ESR1: variants seen among roughly 807,000 people sequenced by gnomAD.
The protein encoded by ESR1 is estrogen receptor.
Under a neutral mutation model 52.7 loss-of-function variants are expected in ESR1, and 12 were observed. The ratio of observed to expected loss-of-function variants is 0.23; its 90% CI spans 0.15 to 0.37. The LOEUF (loss-of-function observed/expected upper bound fraction) is 0.37. Among genes scored for constraint, ESR1 ranks in the 10% least tolerant of loss-of-function variants. The pLI, the probability that ESR1 is intolerant of heterozygous loss-of-function variation, is 1.00. For missense variants in ESR1, 584 were observed against 779.7 expected (o/e 0.75, Z 2.99); for synonymous variants, 305 against 316.8 (o/e 0.96, Z 0.39).
chr6:151,846,628 G>A (rs1785169499), intron 2 of ESR1, among the ~76,000 whole-genome samples: 1 of 152,136 alleles, frequency 6.6e-6, no homozygotes, highest in African/African-American at 2.4e-5. Context: ...TGGTTGAAGA[G>A]GTAAAGTGTT....
At chr6:151,991,566 G>A (rs1429595692) in intron 4 of ESR1, among the ~76,000 whole-genome samples, 1 of 152,050 alleles carries the variant, frequency 6.6e-6, no homozygotes, top group Non-Finnish European at 1.5e-5. Context: ...AGAAAGGAGA[G>A]ATAATCCTGA....
downstream of ESR1, among the ~76,000 whole-genome samples, chr6:152,103,429 T>C (rs997861517): frequency 6.6e-6 from 1 of 152,156 alleles, no homozygotes; most frequent in Non-Finnish European, 1.5e-5. Flanking sequence ...CCCCCAGGTG[T>C]ATCAGGAAGT....
At chr6:152,045,064 G>A (rs1665952244) in intron 5 of ESR1, among the ~76,000 whole-genome samples, 1 of 152,230 alleles carries the variant, frequency 6.6e-6, no homozygotes, top group African/African-American at 2.4e-5. Context: ...TGCCAAGTGA[G>A]AGAGGTAGAG....
chr6:151,997,453 AGCCC>A (rs371216244), intron 4 of ESR1, among the ~76,000 whole-genome samples: 93 of 152,278 alleles, frequency 6.1e-4, no homozygotes, highest in African/African-American at 2.1e-3. Context: ...TTGTAATCAT[AGCCC>A]CAGTGTTGCA....
intron 4 of ESR1, among the ~76,000 whole-genome samples, chr6:151,968,042 T>C (rs2038474994): frequency 2.0e-5 from 3 of 152,156 alleles, no homozygotes; most frequent in African/African-American, 7.2e-5. Flanking sequence ...TTTTTTTTTC[T>C]TGTAAATTTG....
At chr6:151,785,666 A>G (rs1450319023) in intron 2 of ESR1, among the ~76,000 whole-genome samples, 2 of 152,170 alleles carry the variant, frequency 1.3e-5, no homozygotes, top group African/African-American at 4.8e-5. Context: ...AATCCTGTCA[A>G]TTTTAATGAC....
chr6:151,788,482 G>T (rs1434529372), intron 2 of ESR1, among the ~76,000 whole-genome samples: 3 of 141,196 alleles, frequency 2.1e-5, no homozygotes, highest in Non-Finnish European at 5.0e-5. Flanking sequence ...AGAGAAATGG[G>T]AACACTTATA....
At chr6:151,741,084 C>T (rs1436334616) in intron 2 of ESR1, among the ~76,000 whole-genome samples, 3 of 152,116 alleles carry the variant, frequency 2.0e-5, no homozygotes, top group Non-Finnish European at 2.9e-5. Context: ...GTGTGAGAGG[C>T]GGGCCCGTCA....
intron 3 of ESR1, among the ~76,000 whole-genome samples, chr6:151,918,532 T>C (rs1391620553): frequency 1.3e-5 from 2 of 152,220 alleles, no homozygotes; most frequent in African/African-American, 4.8e-5. Context: ...CATCATGAGG[T>C]ATTATGGTTA....
At chr6:151,944,091 C>T in intron 3 of ESR1, 82 bp from the exon 4 acceptor site, 1 of 1,180,012 alleles carries the variant, frequency 8.5e-7, no homozygotes, top group Admixed American at 1.9e-5. Context: ...AAAATGAAAG[C>T]TGGTTAGCTT....
Position 152,049,944 on chromosome 6 carries a change from C to G in ESR1, c.1236-11047C>G, listed in dbSNP as rs9478270. On this transcript the variant is annotated intron_variant, in intron 5 of 7. Transcript: ENST00000206249. ...AATGATACTGCCTGAGAGAAATACT[C>G]ACTTCCTGCTTTGTTTTCAACAAGT... Among the ~76,000 whole-genome samples the G allele has an allele frequency of 4.6e-3, 699 of 152,322 alleles. 9 individuals carry two copies. The highest frequency in any genetic ancestry group is 0.016 in the African/African-American group (660 of 41,560).
At chr6:152,047,565 C>T (rs1221287302) in intron 5 of ESR1, among the ~76,000 whole-genome samples, 2 of 151,948 alleles carry the variant, frequency 1.3e-5, no homozygotes, top group Admixed American at 6.6e-5. Context: ...GTGGAATGAA[C>T]GGGTTAAGAA....
chr6:151,762,968 A>G (rs1408038994), intron 2 of ESR1, among the ~76,000 whole-genome samples: 1 of 151,868 alleles, frequency 6.6e-6, no homozygotes, highest in Non-Finnish European at 1.5e-5. Flanking sequence ...AAAAATTAAT[A>G]GTTTAAATAT....
chr6:152,022,582 T>C (rs1181001903), intron 5 of ESR1, among the ~76,000 whole-genome samples: 7 of 152,038 alleles, frequency 4.6e-5, no homozygotes, highest in Non-Finnish European at 8.8e-5. Flanking sequence ...TTTTCAGGGT[T>C]TTAGGTAGAA....
At chr6:152,113,058 A>T (rs1463103484) in intron 6 of ESR1, 1 of 71,038 alleles carries the variant, frequency 1.4e-5, no homozygotes, top group Non-Finnish European at 2.7e-5. Flanking sequence ...TTTCAGGAGA[A>T]AGAAGCGCAA....
chr6:151,731,822 G>A lies in ESR1; in HGVS notation c.-71+29817G>A, dbSNP rs79938420. On this transcript the variant is annotated intron_variant, in intron 2 of 2. Transcript: ENST00000404742. ...TTCATTTTGCAAGAATAAGATCGAG[G>A]TTAAATCTACAGTTATGTCTTGATA... 8.5e-4 allele frequency among the ~76,000 whole-genome samples: 130 copies of A among 152,284 alleles called. No homozygotes were observed. In the East Asian group the frequency reaches 0.024, roughly 28 times the overall value.
At chr6:151,708,448 T>C (rs1247016342) in intron 2 of ESR1, among the ~76,000 whole-genome samples, 1 of 152,138 alleles carries the variant, frequency 6.6e-6, no homozygotes, top group East Asian at 1.9e-4. Flanking sequence ...AGGAGTAGAA[T>C]TGCTGGTTTA....
chr6:151,805,345 C>G (rs571828430), upstream of ESR1: 12 of 152,176 alleles, frequency 7.9e-5, no homozygotes, highest in South Asian at 1.0e-3. Context: ...AACTTGATAT[C>G]CATACACTTT....
chr6:151,977,527 G>C (rs1196940165), intron 4 of ESR1, among the ~76,000 whole-genome samples: 2 of 152,136 alleles, frequency 1.3e-5, no homozygotes, highest in Admixed American at 6.5e-5. Flanking sequence ...AGAAGCAGTG[G>C]CTCACCCCTG....
Sources: allele counts gnomAD v4.1 joint callset (sites outside exome capture counted in the v4.1 genomes callset), GRCh38; gene constraint gnomAD v4.1.1; transcripts MANE v1.5; gene names NCBI Gene and HGNC (gene_info 2026-07-23, HGNC 2026-07-21).